NT5DC1: variants seen among roughly 807,000 people sequenced by gnomAD.
The protein encoded by NT5DC1 is 5'-nucleotidase domain-containing protein 1.
Under a neutral mutation model 59.4 loss-of-function variants are expected in NT5DC1, and 42 were observed. The ratio of observed to expected loss-of-function variants is 0.71; its 90% CI spans 0.55 to 0.92. The LOEUF is 0.92. Among genes scored for constraint, NT5DC1 ranks in the 40% least tolerant of loss-of-function variants. The pLI, the probability that NT5DC1 is intolerant of heterozygous loss-of-function variation, is 0.00. For synonymous variants in NT5DC1, 172 were observed against 188.1 expected (o/e 0.91, Z 0.70); for missense variants, 501 against 537.1 (o/e 0.93, Z 0.66).
intron 6 of NT5DC1, among the ~76,000 whole-genome samples, chr6:116,134,671 C>G (rs1457771661): frequency 6.6e-6 from 1 of 152,122 alleles, no homozygotes; most frequent in Non-Finnish European, 1.5e-5. Context: ...AAAATAATAA[C>G]TTGGAATTCT....
intron 6 of NT5DC1, among the ~76,000 whole-genome samples, chr6:116,178,919 A>G (rs923914459): frequency 1.3e-5 from 2 of 152,170 alleles, no homozygotes; most frequent in African/African-American, 4.8e-5. Flanking sequence ...CCAGCCCTCT[A>G]ATTTTTCTTT....
intron 4 of NT5DC1, among the ~76,000 whole-genome samples, chr6:116,111,348 C>A (rs1172101624): frequency 6.6e-6 from 1 of 152,216 alleles, no homozygotes; most frequent in Non-Finnish European, 1.5e-5. Flanking sequence ...CTATGATTAT[C>A]TTCCTTACTG....
In NT5DC1 at chr6:116,122,954, G is replaced by A. The variant is rs184900896; in HGVS notation, c.529+5009G>A. ...AGAAAAATTTATGTAAAAGATTTCC[G>A]TATATTAAATATTTCATTGATTGTA... On this transcript the variant is annotated intron_variant, in intron 6 of 11. Transcript: ENST00000319550. Among the ~76,000 whole-genome samples the A allele has an allele frequency of 2.6e-3, 400 of 152,094 alleles. 10 individuals carry two copies. The South Asian group carries it at 0.044, about 17-fold the overall frequency.
chr6:116,242,108 G>A (rs1011852905), intron 11 of NT5DC1, among the ~76,000 whole-genome samples: 2 of 151,636 alleles, frequency 1.3e-5, no homozygotes, highest in African/African-American at 4.8e-5. Flanking sequence ...GTAGCTCAAC[G>A]CCTTGTAATC....
chr6:116,241,880 G>A (rs1182070666), intron 11 of NT5DC1, among the ~76,000 whole-genome samples: 1 of 130,714 alleles, frequency 7.7e-6, no homozygotes, highest in Non-Finnish European at 1.6e-5. Flanking sequence ...CCGAGATCGC[G>A]CCACTGCACT....
chr6:116,101,247 G>T (rs1247078218), intron 1 of NT5DC1, among the ~76,000 whole-genome samples: 1 of 152,174 alleles, frequency 6.6e-6, no homozygotes, highest in African/African-American at 2.4e-5. Flanking sequence ...ATTAGCTAAT[G>T]TTGAGAGGGA....
chr6:116,202,269 G>A (rs1216719752), intron 6 of NT5DC1, among the ~76,000 whole-genome samples: 3 of 151,892 alleles, frequency 2.0e-5, no homozygotes, highest in Non-Finnish European at 4.4e-5. Context: ...CATTTCTGTA[G>A]TACCTTTTTT....
intron 8 of NT5DC1, among the ~76,000 whole-genome samples, chr6:116,235,137 G>A (rs1303753537): frequency 6.7e-6 from 1 of 149,002 alleles, no homozygotes; most frequent in Admixed American, 6.8e-5. Context: ...GTAGTAGAAA[G>A]ATTCTCTTCC....
chr6:116,225,157 T>A (rs1294861332), intron 8 of NT5DC1, among the ~76,000 whole-genome samples: 1 of 152,158 alleles, frequency 6.6e-6, no homozygotes, highest in Non-Finnish European at 1.5e-5. Flanking sequence ...AGGATAAAGT[T>A]GTGTGGAGTA....
chr6:116,241,944 CAAAAAA>C (rs1173659223), intron 11 of NT5DC1, among the ~76,000 whole-genome samples: 1 of 34,416 alleles, frequency 2.9e-5, no homozygotes, highest in Non-Finnish European at 4.4e-5. Flanking sequence ...AAAAACAAAA[CAAAAAA>C]AAAAAAAAAC....
At chr6:116,164,601 G>T (rs1032071527) in intron 6 of NT5DC1, among the ~76,000 whole-genome samples, 3 of 152,092 alleles carry the variant, frequency 2.0e-5, no homozygotes, top group African/African-American at 7.2e-5. Flanking sequence ...GTGAGGTTTT[G>T]TTCCTTGCCT....
intron 11 of NT5DC1, among the ~76,000 whole-genome samples, chr6:116,241,954 A>C (rs1258085241): frequency 6.9e-6 from 1 of 144,966 alleles, no homozygotes; most frequent in Non-Finnish European, 1.5e-5. Flanking sequence ...CAAAAAAAAA[A>C]AAAAACAAAG....
At chr6:116,156,702 C>T (rs1780203929) in intron 6 of NT5DC1, among the ~76,000 whole-genome samples, 2 of 152,166 alleles carry the variant, frequency 1.3e-5, no homozygotes, top group Admixed American at 6.5e-5. Context: ...TCTTATTGTA[C>T]TTTCATAATA....
intron 6 of NT5DC1, among the ~76,000 whole-genome samples, chr6:116,208,222 T>G (rs1465838886): frequency 1.3e-5 from 2 of 152,070 alleles, no homozygotes; most frequent in Non-Finnish European, 2.9e-5. Flanking sequence ...CATTGCCACA[T>G]TTCTGAGTCT....
chr6:116,139,262 A>G, intron 6 of NT5DC1, among the ~76,000 whole-genome samples: 1 of 152,134 alleles, frequency 6.6e-6, no homozygotes, highest in East Asian at 1.9e-4. Context: ...GTCTACTAGT[A>G]ACAATTTGTG....
At chr6:116,178,100 C>CAT (rs1554198235) in intron 6 of NT5DC1, among the ~76,000 whole-genome samples, 4 of 102,878 alleles carry the variant, frequency 3.9e-5, no homozygotes, top group Admixed American at 1.7e-4. Context: ...CGCGCGCGCG[C>CAT]GCGTGCGTGC....
At chr6:116,151,618 G>A (rs908069787) in intron 6 of NT5DC1, among the ~76,000 whole-genome samples, 2 of 152,124 alleles carry the variant, frequency 1.3e-5, no homozygotes, top group Non-Finnish European at 2.9e-5. Flanking sequence ...TGCAGTACAT[G>A]CAAATAATGG....
chr6:116,141,911 C>CACACACACACAG (rs1438823947), intron 6 of NT5DC1, among the ~76,000 whole-genome samples: 1 of 150,954 alleles, frequency 6.6e-6, no homozygotes, highest in African/African-American at 2.4e-5. Context: ...CACACACACA[C>CACACACACACAG]ACACACACAC....
chr6:116,132,678 G>A (rs1224526264), intron 6 of NT5DC1, among the ~76,000 whole-genome samples: 1 of 152,026 alleles, frequency 6.6e-6, no homozygotes, highest in Non-Finnish European at 1.5e-5. Flanking sequence ...CAAGCTGTTG[G>A]CGAGAGAGCC....
Sources: allele counts gnomAD v4.1 joint callset (sites outside exome capture counted in the v4.1 genomes callset), GRCh38; gene constraint gnomAD v4.1.1; transcripts MANE v1.5; gene names NCBI Gene and HGNC (gene_info 2026-07-23, HGNC 2026-07-21).